SLC35E2B: variants seen among roughly 807,000 people sequenced by gnomAD.
SLC35E2B encodes solute carrier family 35, member E2B.
A neutral mutation model predicts 32.4 loss-of-function variants in SLC35E2B; 18 were observed. The ratio of observed to expected loss-of-function variants is 0.56; its 90% CI spans 0.38 to 0.82. The LOEUF is 0.82. Among genes scored for constraint, SLC35E2B ranks in the 40% least tolerant of loss-of-function variants. The pLI is 0.00. For synonymous variants in SLC35E2B, 132 were observed against 209.1 expected (o/e 0.63, Z 3.18); for missense variants, 263 against 469.5 (o/e 0.56, Z 4.06).
chr1:1,679,725 G>A (rs1043011361), intron 2 of SLC35E2B, among the ~76,000 whole-genome samples: 21 of 150,086 alleles, frequency 1.4e-4, no homozygotes, highest in South Asian at 2.1e-4. Flanking sequence ...CCAGCTACTC[G>A]GGAGGCTGAG....
intron 9 of SLC35E2B, among the ~76,000 whole-genome samples, chr1:1,667,415 AAAAATAAATAAAT>A (rs1643576004): frequency 2.9e-5 from 1 of 34,468 alleles, no homozygotes; most frequent in Non-Finnish European, 7.2e-5. Context: ...TCTGTCTCAA[AAAAATAAATAAAT>A]AAAATAAAAT....
At chr1:1,682,652 C>T (rs777638280) in intron 2 of SLC35E2B, among the ~76,000 whole-genome samples, 7 of 152,078 alleles carry the variant, frequency 4.6e-5, no homozygotes, top group African/African-American at 9.7e-5. Flanking sequence ...ATCTCGGGGA[C>T]GGGCCCCAGG....
chr1:1,670,211 G>C, intron 6 of SLC35E2B, 60 bp from the exon 7 acceptor site: 2 of 1,271,386 alleles, frequency 1.6e-6, no homozygotes, highest in Admixed American at 4.0e-5. Context: ...ACATCAGGGG[G>C]AGAAGGTGTC....
chr1:1,662,822 A>C lies in SLC35E2B; in HGVS notation c.*2960T>G, dbSNP rs1381773158. On this transcript the variant is annotated 3_prime_UTR_variant, in exon 10 of 10. Coordinates refer to ENST00000617444, the MANE Select transcript of SLC35E2B (RefSeq NM_001290264.2). ...TTCGTTTACAAAAGCACAGACCACGACCATGGACACACCCAGTGGAAGTAA... is the reference window on the plus strand; with the variant it reads ...TTCGTTTACAAAAGCACAGACCACGCCCATGGACACACCCAGTGGAAGTAA... 1.2e-6 allele frequency: 1 copy of C among 814,990 alleles called. No individual in the cohort carries two copies. Among genetic ancestry groups the C allele is most frequent in the South Asian group, 5.2e-5 (1 of 19,194 alleles). The allele number at this position is 814,990 out of a possible 1,614,324, so 50.5% of individuals were successfully genotyped here. A position where few individuals can be genotyped will look rare whatever the true frequency, so the allele number is the denominator to read the frequency against.
At chr1:1,688,035 T>C (rs1169632192) in intron 2 of SLC35E2B, among the ~76,000 whole-genome samples, 1 of 152,002 alleles carries the variant, frequency 6.6e-6, no homozygotes, top group Non-Finnish European at 1.5e-5. Flanking sequence ...GCGCCGAAAG[T>C]TTGTGATCTA....
chr1:1,663,949 A>T lies in SLC35E2B; in HGVS notation c.*1833T>A, dbSNP rs560425256. 217 of 394,014 alleles carry T rather than the reference A, an allele frequency of 5.5e-4. 8 individuals are homozygous for T. In the South Asian group the frequency reaches 6.0e-3, roughly 11 times the overall value. The allele number at this position is 394,014 out of a possible 1,614,324, so 24.4% of individuals were successfully genotyped here. A position where few individuals can be genotyped will look rare whatever the true frequency, so the allele number is the denominator to read the frequency against. ...CCCACGCCTATATTCTCGACACTAC[A>T]GGAGGCTGAGTGGGAAGGATTGCTT... On this transcript the variant is annotated 3_prime_UTR_variant, in exon 10 of 10. Transcript: ENST00000617444.
intron 8 of SLC35E2B, among the ~76,000 whole-genome samples, chr1:1,668,712 G>A (rs1643607159): frequency 6.6e-6 from 1 of 152,048 alleles, no homozygotes; most frequent in South Asian, 2.1e-4. Context: ...GATGCAAATG[G>A]ACAACAAGCA....
At chr1:1,678,681 G>T (rs1364102781) in intron 2 of SLC35E2B, among the ~76,000 whole-genome samples, 1 of 151,866 alleles carries the variant, frequency 6.6e-6, no homozygotes, top group African/African-American at 2.4e-5. Context: ...CACTCCTCGG[G>T]CCACTGACAG....
Position 1,662,564 on chromosome 1 carries a change from A to C in SLC35E2B, c.*3218T>G, listed in dbSNP as rs974369211. The C allele has an allele frequency of 5.9e-6, 5 of 850,762 alleles. No homozygotes were observed. Among genetic ancestry groups the C allele is most frequent in the Non-Finnish European group, 7.1e-6 (5 of 707,520 alleles). 52.7% of individuals were successfully genotyped at this position (850,762 alleles called of 1,614,324 possible). On this transcript the variant is annotated 3_prime_UTR_variant, in exon 10 of 10. Coordinates refer to ENST00000617444, the MANE Select transcript of SLC35E2B (RefSeq NM_001290264.2). The stretch of plus-strand genomic sequence containing the variant: ...AAATGACTGTCTGACTCACCATGGT[A>C]ATTTTTCACAAATTAAAGACACATT...
chr1:1,690,174 G>A (rs1644001654), intron 2 of SLC35E2B, among the ~76,000 whole-genome samples: 1 of 150,014 alleles, frequency 6.7e-6, no homozygotes, highest in South Asian at 2.1e-4. Context: ...CAGCTGCTCA[G>A]GAGGCTGAGG....
chr1:1,665,913 C>G lies in SLC35E2B; in HGVS notation c.1087G>C (p.Gly363Arg). Residue 363 changes from glycine (G) to arginine (R), a missense_variant, in exon 10 of 10, where the codon GGG (glycine) becomes CGG (arginine). Around this residue, in one of 7 missense-constraint regions of SLC35E2B, gnomAD observed 78 missense variants for 71.1 expected, o/e 1.10. Coordinates refer to ENST00000617444, the MANE Select transcript of SLC35E2B (RefSeq NM_001290264.2). The part of the protein sequence containing the change: ...SAVGTALVTV[G>R]VLLYNKARQH... ...CTGGCTTTGTTGTAGAGCAGGACCCCAACGGTCACCAGGGCTGTGCCAACG... is the reference window on the plus strand; with the variant it reads ...CTGGCTTTGTTGTAGAGCAGGACCCGAACGGTCACCAGGGCTGTGCCAACG... 1 of 1,551,368 alleles carries G rather than the reference C, an allele frequency of 6.4e-7. No homozygotes were observed. The highest frequency in any genetic ancestry group is 8.7e-7 in the Non-Finnish European group (1 of 1,146,988).
intron 5 of SLC35E2B, chr1:1,672,646 C>T (rs1308880938): frequency 6.6e-6 from 1 of 152,262 alleles, no homozygotes; most frequent in Non-Finnish European, 1.5e-5. Flanking sequence ...CTATATCCAG[C>T]ACCAGATTCC....
In SLC35E2B at chr1:1,664,284, T is replaced by C. The variant is rs1019868568; in HGVS notation, c.*1498A>G. On this transcript the variant is annotated 3_prime_UTR_variant, in exon 10 of 10. Coordinates refer to ENST00000617444, the MANE Select transcript of SLC35E2B (RefSeq NM_001290264.2). The stretch of plus-strand genomic sequence containing the variant: ...GGTAGAAGTTAATGAGTCAGAATTA[T>C]TGCTCTGTTTCTGAATGATTTTATC... 3.8e-5 allele frequency: 34 copies of C among 883,274 alleles called. 2 individuals are homozygous for C. Among genetic ancestry groups the C allele is most frequent in the Non-Finnish European group, 4.5e-5 (33 of 735,936 alleles). The allele number at this position is 883,274 out of a possible 1,614,324, so 54.7% of individuals were successfully genotyped here. A position where few individuals can be genotyped will look rare whatever the true frequency, so the allele number is the denominator to read the frequency against.
At position 1,665,770 on chromosome 1, in the gene SLC35E2B, A is replaced by AGCTT; in HGVS notation, c.*8_*11dup. 2 of 1,548,466 alleles carry AGCTT rather than the reference A, an allele frequency of 1.3e-6. No individual in the cohort carries two copies. The highest frequency in any genetic ancestry group is 1.7e-6 in the Non-Finnish European group (2 of 1,145,368). Reference sequence around the variant, plus strand: ...TGTCACGAGGACAGCAGCAGCTGGCAGCTTCCTGCTCTCAGGGATGCTGCC... The same window carrying AGCTT: ...TGTCACGAGGACAGCAGCAGCTGGCAGCTTGCTTCCTGCTCTCAGGGATGCTGCC... On this transcript the variant is annotated 3_prime_UTR_variant, in exon 10 of 10. Transcript: ENST00000617444.
chr1:1,671,386 A>G, intron 6 of SLC35E2B, 123 bp downstream of exon 6: 1 of 1,106,188 alleles, frequency 9.0e-7, no homozygotes, highest in Non-Finnish European at 1.2e-6. Context: ...AGGAAAGGGC[A>G]GCATTGGACG....
At chr1:1,689,630 C>A (rs1260469165) in intron 2 of SLC35E2B, among the ~76,000 whole-genome samples, 1 of 151,272 alleles carries the variant, frequency 6.6e-6, no homozygotes, top group Non-Finnish European at 1.5e-5. Context: ...AAAGCATGAC[C>A]CATTAAAAAA....
intron 9 of SLC35E2B, among the ~76,000 whole-genome samples, chr1:1,667,335 C>A (rs1418274833): frequency 2.0e-5 from 3 of 152,124 alleles, no homozygotes; most frequent in Middle Eastern, 3.4e-3. Context: ...ATGGCGTGAA[C>A]CCGGGAGGCG....
chr1:1,685,108 C>CAAAA (rs202244077), intron 2 of SLC35E2B, among the ~76,000 whole-genome samples: 1 of 118,900 alleles, frequency 8.4e-6, no homozygotes. Context: ...AACTCCGTCT[C>CAAAA]AAAAAAAAAA....
rs1300539212 is a variant in SLC35E2B, at chr1:1,665,720, C to A, written c.*62G>T. On this transcript the variant is annotated 3_prime_UTR_variant, in exon 10 of 10. Coordinates refer to ENST00000617444, the MANE Select transcript of SLC35E2B (RefSeq NM_001290264.2). ...CCAGCAGGGCCATGGAGGAGGGCGTCCCTGCCCATTTCTGGGGGATGCAGT... is the reference window on the plus strand; with the variant it reads ...CCAGCAGGGCCATGGAGGAGGGCGTACCTGCCCATTTCTGGGGGATGCAGT... 3.3e-6 allele frequency: 5 copies of A among 1,532,258 alleles called. No individual in the cohort carries two copies. In the African/African-American group the frequency reaches 5.5e-5, roughly 17 times the overall value. The allele number at this position is 1,532,258 out of a possible 1,614,324, so 94.9% of individuals were successfully genotyped here.
Sources: gnomAD v4.1 joint callset for allele counts (sites outside exome capture counted in the v4.1 genomes callset) on GRCh38, gnomAD v4.1.1 for gene constraint, gnomAD v4.1.1 regional missense constraint, MANE v1.5 for transcripts, NCBI Gene and HGNC (gene_info 2026-07-23, HGNC 2026-07-21) for gene names.